Variants in TPRG1 observed in about 807,000 individuals in gnomAD.
The protein encoded by TPRG1 is tumor protein p63-regulated gene 1 protein.
Under a neutral mutation model 29.3 loss-of-function variants are expected in TPRG1, and 29 were observed. The ratio of observed to expected loss-of-function variants is 0.99; its 90% CI spans 0.74 to 1.35. The LOEUF is 1.35. Among genes scored for constraint, TPRG1 ranks in the 40% most tolerant of loss-of-function variants. The probability of loss-of-function intolerance (pLI) is 0.00; values close to 1 mark genes in which losing one functional copy is unlikely to be tolerated. For missense variants in TPRG1, 327 were observed against 335.0 expected, an observed-to-expected ratio of 0.98 and a Z score of 0.19; for synonymous variants, 130 against 116.8, an observed-to-expected ratio of 1.11 and a Z score of -0.73.
intron 3 of TPRG1, among the ~76,000 whole-genome samples, chr3:189,015,517 C>T (rs1454562236): frequency 6.6e-6 from 1 of 152,204 alleles, no homozygotes; most frequent in Non-Finnish European, 1.5e-5. Flanking sequence ...ATAGCCAAGA[C>T]AATGGGGAAA....
intron 5 of TPRG1, among the ~76,000 whole-genome samples, chr3:189,166,546 A>T (rs573331714): frequency 3.6e-4 from 55 of 152,366 alleles, no homozygotes; most frequent in African/African-American, 1.2e-3. Flanking sequence ...GAGTTAGTCA[A>T]CTAGGGAAGT....
At chr3:188,997,998 A>G (rs1711885961) in intron 1 of TPRG1, among the ~76,000 whole-genome samples, 2 of 152,110 alleles carry the variant, frequency 1.3e-5, no homozygotes, top group Non-Finnish European at 2.9e-5. Flanking sequence ...TCATTCATTC[A>G]TTCATTCATT....
At chr3:189,018,938 G>A (rs1269939846) in intron 3 of TPRG1, among the ~76,000 whole-genome samples, 4 of 151,858 alleles carry the variant, frequency 2.6e-5, no homozygotes, top group Non-Finnish European at 4.4e-5. Flanking sequence ...CCTTGAAGAG[G>A]TCCTTCACAT....
chr3:189,086,353 A>ATT (rs578137615), intron 4 of TPRG1, among the ~76,000 whole-genome samples: 12 of 142,292 alleles, frequency 8.4e-5, no homozygotes, highest in African/African-American at 2.8e-4. Flanking sequence ...ACTGATTCAA[A>ATT]TTTTTTTTTT....
At chr3:189,272,209 A>G (rs1214575706) in intron 4 of TPRG1, among the ~76,000 whole-genome samples, 1 of 152,146 alleles carries the variant, frequency 6.6e-6, no homozygotes, top group Non-Finnish European at 1.5e-5. Context: ...GCAAGCATCT[A>G]TTATTATATT....
At chr3:189,108,916 G>A (rs1024939638) in intron 1 of TPRG1, among the ~76,000 whole-genome samples, 2 of 152,016 alleles carry the variant, frequency 1.3e-5, no homozygotes, top group South Asian at 4.1e-4. Flanking sequence ...CTGCACCCCT[G>A]TAGTTAACTC....
chr3:189,252,274 C>T (rs1017649245), intron 4 of TPRG1, among the ~76,000 whole-genome samples: 2 of 152,158 alleles, frequency 1.3e-5, no homozygotes, highest in East Asian at 3.8e-4. Context: ...AAAATGGAGT[C>T]TCCTATGTCT....
upstream of TPRG1, among the ~76,000 whole-genome samples, chr3:189,097,120 C>T (rs1285606882): frequency 6.6e-6 from 1 of 152,212 alleles, no homozygotes; most frequent in African/African-American, 2.4e-5. Context: ...TGACTTCTAC[C>T]AGTCTTTCAA....
chr3:189,033,469 A>G (rs185347077), intron 4 of TPRG1, among the ~76,000 whole-genome samples: 4 of 152,062 alleles, frequency 2.6e-5, no homozygotes, highest in Admixed American at 6.5e-5. Context: ...TTTTGTAAAG[A>G]TGGGATTTTG....
At chr3:189,023,090 G>A (rs981893591) in intron 3 of TPRG1, among the ~76,000 whole-genome samples, 1 of 152,202 alleles carries the variant, frequency 6.6e-6, no homozygotes, top group Non-Finnish European at 1.5e-5. Flanking sequence ...TTTGGCTCGC[G>A]CATGGTGCGC....
At chr3:189,051,760 G>A (rs989275317) in intron 4 of TPRG1, among the ~76,000 whole-genome samples, 1 of 152,096 alleles carries the variant, frequency 6.6e-6, no homozygotes, top group African/African-American at 2.4e-5. Flanking sequence ...TAGACCAATG[G>A]AACAGAATAG....
In TPRG1 at chr3:189,207,091, T is replaced by C. The variant is rs945690796; in HGVS notation, c.-9-285T>C. 1.1e-5 allele frequency: 8 copies of C among 761,678 alleles called. No homozygotes were observed. In the African/African-American group the frequency reaches 1.1e-4, roughly 11 times the overall value. The allele number at this position is 761,678 out of a possible 1,614,324, so 47.2% of individuals were successfully genotyped here. On this transcript the variant is annotated intron_variant, in intron 1 of 5. Coordinates refer to ENST00000345063, the MANE Select transcript of TPRG1 (RefSeq NM_198485.4). ...GAAATTGTCTGGTAATTATTTTATA[T>C]AGCTCTTCTCTTGTTCAGGTTCCTG...
At chr3:189,250,504 G>GCCCCA (rs768716080) in intron 4 of TPRG1, among the ~76,000 whole-genome samples, 1,023 of 23,586 alleles carry the variant, frequency 0.043, 47 homozygotes, top group South Asian at 0.077. Context: ...TCTGATTTCC[G>GCCCCA]CCCCCCCCCC....
In TPRG1 at chr3:189,198,076, A is replaced by G. The variant is rs79602385; in HGVS notation, c.-9-9300A>G. ...TCTTTCAGATTCTCCTCCCATTGCA[A>G]AATGTTAGTTTTCACCAACTGTAAC... On this transcript the variant is annotated intron_variant, in intron 1 of 5. Coordinates refer to ENST00000345063, the MANE Select transcript of TPRG1 (RefSeq NM_198485.4). Among the ~76,000 whole-genome samples the G allele has an allele frequency of 6.6e-3, 1,006 of 152,260 alleles. 12 individuals carry two copies. Among genetic ancestry groups the G allele is most frequent in the African/African-American group, 0.023 (950 of 41,548 alleles).
At chr3:189,297,896 T>A (rs1720216556) in intron 4 of TPRG1, among the ~76,000 whole-genome samples, 1 of 152,130 alleles carries the variant, frequency 6.6e-6, no homozygotes, top group African/African-American at 2.4e-5. Context: ...CAAAGCCTGC[T>A]ATGCTAAGGG....
At chr3:189,017,674 G>A (rs1270181009) in intron 3 of TPRG1, among the ~76,000 whole-genome samples, 3 of 152,126 alleles carry the variant, frequency 2.0e-5, no homozygotes, top group South Asian at 2.1e-4. Context: ...ATTGTGAATA[G>A]TGCCGCTATA....
rs148607649 is a variant in TPRG1 at position 189,112,262 on chromosome 3, C to T, written c.-744+12058C>T. Among the ~76,000 whole-genome samples the T allele has an allele frequency of 1.6e-4, 24 of 152,236 alleles. No individual in the cohort carries two copies. In the East Asian group the frequency reaches 4.6e-3, roughly 29 times the overall value. ...GAGAGATATTGGTCTATAATTTTCT[C>T]TCTTTCTTGGCATGGTTTTGGCATG... On this transcript the variant is annotated intron_variant, in intron 1 of 6. Transcript: ENST00000412373.
rs1357082475 is a variant in TPRG1 at position 189,043,661 on chromosome 3, A to G, written c.-463+19715A>G. 3.9e-5 allele frequency among the ~76,000 whole-genome samples: 6 copies of G among 152,126 alleles called. No individual in the cohort carries two copies. In the South Asian group the frequency reaches 1.2e-3, roughly 32 times the overall value. On this transcript the variant is annotated intron_variant, in intron 4 of 10. Coordinates refer to the TPRG1 transcript ENST00000433971. ...AGACTGGCTTGTATATATTGACACC[A>G]CCTCAATTTAGGCACTGCGATGGCA...
chr3:189,036,516 G>C (rs560235102), intron 4 of TPRG1, among the ~76,000 whole-genome samples: 1 of 152,030 alleles, frequency 6.6e-6, no homozygotes, highest in Non-Finnish European at 1.5e-5. Flanking sequence ...AGATAAGGAA[G>C]CTATAATTGT....
Sources: allele counts gnomAD v4.1 joint callset (sites outside exome capture counted in the v4.1 genomes callset), GRCh38; gene constraint gnomAD v4.1.1; transcripts MANE v1.5; gene names NCBI Gene and HGNC (gene_info 2026-07-23, HGNC 2026-07-21).